HGD: variants seen among roughly 807,000 people sequenced by gnomAD.
HGD encodes the protein homogentisate 1,2-dioxygenase, also known as homogentisate oxidase.
Under a neutral mutation model 60.8 loss-of-function variants are expected in HGD, and 61 were observed. The ratio of observed to expected loss-of-function variants is 1.00; its 90% CI spans 0.82 to 1.24. HGD has a LOEUF of 1.24. Ranked by LOEUF, HGD falls within the 50% of genes most tolerant of loss-of-function variation. The pLI is 0.00. For missense variants in HGD, 542 were observed against 547.1 expected, an observed-to-expected ratio of 0.99 and a Z score of 0.09; for synonymous variants, 212 against 187.7, an observed-to-expected ratio of 1.13 and a Z score of -1.06.
intron 4 of HGD, among the ~76,000 whole-genome samples, chr3:120,657,619 G>C (rs1424645682): frequency 6.6e-6 from 1 of 152,088 alleles, no homozygotes; most frequent in Non-Finnish European, 1.5e-5. Flanking sequence ...ATATTAGTCT[G>C]TTCTCACATT....
chr3:120,676,809 A>C (rs561475249), intron 1 of HGD, among the ~76,000 whole-genome samples: 61 of 152,274 alleles, frequency 4.0e-4, no homozygotes, highest in African/African-American at 1.5e-3. Context: ...TCCTTAAGAG[A>C]TATAAGAAGG....
chr3:120,634,179 T>TATTATTGAAG (rs1443662729), intron 12 of HGD, among the ~76,000 whole-genome samples: 2 of 152,188 alleles, frequency 1.3e-5, no homozygotes, highest in Admixed American at 6.5e-5. Context: ...AAGCATATCA[T>TATTATTGAAG]ATTATTGAAG....
chr3:120,651,449 T>G (rs1230610681), intron 5 of HGD, among the ~76,000 whole-genome samples: 1 of 152,162 alleles, frequency 6.6e-6, no homozygotes, highest in Non-Finnish European at 1.5e-5. Flanking sequence ...AACCTGCAGA[T>G]GGAGAGCCAA....
chr3:120,655,292 G>A lies in HGD; in HGVS notation c.283-2641C>T, dbSNP rs568497576. Among the ~76,000 whole-genome samples, 8 of 152,296 alleles carry A rather than the reference G, an allele frequency of 5.3e-5. No individual in the cohort carries two copies. In the South Asian group the frequency reaches 6.2e-4, roughly 12 times the overall value. The stretch of plus-strand genomic sequence containing the variant: ...AAGTCATGAGAACAGAGAGCCTGAG[G>A]TGGTGGAAGAAAATGCAACTACATT... On this transcript the variant is annotated intron_variant, in intron 4 of 13. Coordinates refer to ENST00000283871, the MANE Select transcript of HGD (RefSeq NM_000187.4).
intron 13 of HGD, among the ~76,000 whole-genome samples, chr3:120,630,843 TACACAC>T (rs111540631): frequency 0.024 from 2,805 of 116,492 alleles, 51 homozygotes; most frequent in African/African-American, 0.043. Context: ...CACACACACA[TACACAC>T]ACACACACAC....
intron 11 of HGD, 47 bp from the exon 12 acceptor site, chr3:120,638,628 A>C (rs1576289357): frequency 8.1e-6 from 13 of 1,610,838 alleles, no homozygotes; most frequent in Non-Finnish European, 1.1e-5. Flanking sequence ...AAGGGAAGTG[A>C]CTGGACAATG....
chr3:120,648,397 T>C (rs147024586), intron 6 of HGD, among the ~76,000 whole-genome samples: 5 of 152,228 alleles, frequency 3.3e-5, no homozygotes, highest in African/African-American at 9.6e-5. Context: ...TGGCCTGATA[T>C]GAGATTTGAC....
rs1940601091 is a variant in HGD at position 120,631,839 on chromosome 3, G to C, written c.1188+1308C>G. On this transcript the variant is annotated intron_variant, in intron 13 of 13. Coordinates refer to ENST00000283871, the MANE Select transcript of HGD (RefSeq NM_000187.4). ...CCCAGGGTCTCCCATCCTAATAGGAGAGCTCTTTCTCACTAGTAATTCAAA... is the reference window on the plus strand; with the variant it reads ...CCCAGGGTCTCCCATCCTAATAGGACAGCTCTTTCTCACTAGTAATTCAAA... Among the ~76,000 whole-genome samples the C allele has an allele frequency of 2.0e-5, 3 of 152,150 alleles. No individual in the cohort carries two copies. The South Asian group carries it at 6.2e-4, about 32-fold the overall frequency.
At chr3:120,663,775 G>A (rs1199000152) in intron 4 of HGD, among the ~76,000 whole-genome samples, 1 of 40,814 alleles carries the variant, frequency 2.5e-5, no homozygotes, top group Non-Finnish European at 7.7e-5. Context: ...CACAATATTA[G>A]GAATTTTTAT....
chr3:120,652,719 A>G, intron 4 of HGD, 68 bp from the exon 5 acceptor site: 1 of 1,029,514 alleles, frequency 9.7e-7, no homozygotes, highest in African/African-American at 1.6e-5. Context: ...CTAAATAAAT[A>G]GCATCAATTA....
In HGD at chr3:120,659,152, CT is replaced by C. The variant is rs1469746829; in HGVS notation, c.283-6502del. 5.9e-5 allele frequency among the ~76,000 whole-genome samples: 9 copies of C among 152,326 alleles called. No homozygotes were observed. The East Asian group carries it at 1.7e-3, about 29-fold the overall frequency. Reference sequence around the variant, plus strand: ...TTTGAATTCTTCTCCTGAAAATGGGCTTTTCTTTTCTACCACATGGCCAGGC... The same window carrying C: ...TTTGAATTCTTCTCCTGAAAATGGGCTTTCTTTTCTACCACATGGCCAGGC... On this transcript the variant is annotated intron_variant, in intron 4 of 13. Transcript: ENST00000283871.
In HGD at chr3:120,674,920, G is replaced by A. The variant is rs759435977; in HGVS notation, c.157C>T (p.Arg53Trp). Reference sequence around the variant, plus strand: ...TTGTACCTTCTCTTATTGGTGCTCCGTGGACAAGTGAAAGCCGATCCTGAG... The same window carrying A: ...TTGTACCTTCTCTTATTGGTGCTCCATGGACAAGTGAAAGCCGATCCTGAG... ...QLSGSAFTCP[R>W]STNKRSWLYR... is the part of the protein sequence containing the mutation. Residue 53 changes from arginine (R) to tryptophan (W), a missense_variant, in exon 3 of 14, where the codon CGG becomes TGG. Arg to Trp is a moderately radical substitution (Grantham distance 101). Coordinates refer to ENST00000283871, the MANE Select transcript of HGD (RefSeq NM_000187.4). The A allele has an allele frequency of 9.9e-6, 16 of 1,609,208 alleles. No individual in the cohort carries two copies. The highest frequency in any genetic ancestry group is 1.7e-4 in the Middle Eastern group (1 of 6,054).
In HGD at chr3:120,670,369, G is replaced by A. The variant is rs555364713; in HGVS notation, c.282+58C>T. 7.1e-6 allele frequency: 6 copies of A among 839,886 alleles called. No homozygotes were observed. In the South Asian group the frequency reaches 7.9e-5, roughly 11 times the overall value. The allele number at this position is 839,886 out of a possible 1,614,324, so 52.0% of individuals were successfully genotyped here. ...CCAATGACCATGGTATTCTATTTAG[G>A]TATTTCTAGTCAAGGCTTTGGGTAT... is the stretch of plus-strand genomic sequence containing the variant. On this transcript the variant is annotated intron_variant, in intron 4 of 13. Coordinates refer to ENST00000283871, the MANE Select transcript of HGD (RefSeq NM_000187.4).
intron 13 of HGD, among the ~76,000 whole-genome samples, chr3:120,631,685 A>G (rs898519090): frequency 1.3e-5 from 2 of 152,220 alleles, no homozygotes; most frequent in Admixed American, 6.5e-5. Flanking sequence ...ACTCCAAACA[A>G]GAATAAGGAT....
intron 1 of HGD, chr3:120,677,877 G>A (rs551488304): frequency 1.6e-4 from 24 of 152,274 alleles, no homozygotes; most frequent in African/African-American, 4.6e-4. Flanking sequence ...GTTGGCCGAC[G>A]CTTAGGGAAA....
chr3:120,642,176 CA>C lies in HGD; in HGVS notation c.775-484del, dbSNP rs565183883. ...AGAAGGCCTCTAAAAGTTCCAACTC[CA>C]AGGACTTGAGATTTCAGAGCAATCC... On this transcript the variant is annotated intron_variant, in intron 10 of 13. Transcript: ENST00000283871. 5.9e-5 allele frequency among the ~76,000 whole-genome samples: 9 copies of C among 152,268 alleles called. 1 individual carries two copies. The South Asian group carries it at 1.9e-3, about 32-fold the overall frequency.
At chr3:120,639,543 T>G (rs992732644) in intron 11 of HGD, among the ~76,000 whole-genome samples, 1 of 152,188 alleles carries the variant, frequency 6.6e-6, no homozygotes, top group East Asian at 1.9e-4. Context: ...TACATGCAAC[T>G]TATTACCCCG....
At chr3:120,679,610 T>C (rs1165682689) in intron 1 of HGD, among the ~76,000 whole-genome samples, 1 of 152,200 alleles carries the variant, frequency 6.6e-6, no homozygotes, top group African/African-American at 2.4e-5. Flanking sequence ...ATCCTAAATG[T>C]AATCACAAGT....
intron 4 of HGD, among the ~76,000 whole-genome samples, chr3:120,661,758 C>T (rs1013455434): frequency 1.3e-5 from 2 of 152,160 alleles, no homozygotes; most frequent in African/African-American, 2.4e-5. Flanking sequence ...AAGGGCTGAG[C>T]AGGGGAATGT....
Sources: gnomAD v4.1 joint callset for allele counts (sites outside exome capture counted in the v4.1 genomes callset) on GRCh38, gnomAD v4.1.1 for gene constraint, MANE v1.5 for transcripts, NCBI Gene and HGNC (gene_info 2026-07-23, HGNC 2026-07-21) for gene names.